The following PPP2R3A variants were observed in gnomAD, a reference collection of about 807,000 sequenced individuals.
The protein encoded by PPP2R3A is serine/threonine-protein phosphatase 2A regulatory subunit B'' subunit alpha.
Under a neutral mutation model 106.9 loss-of-function variants are expected in PPP2R3A, and 80 were observed. The ratio of observed to expected loss-of-function variants is 0.75; its 90% confidence interval spans 0.62 to 0.90. The LOEUF (loss-of-function observed/expected upper bound fraction) is 0.90, where lower values mean the gene tolerates loss of function less well. Among genes scored for constraint, PPP2R3A ranks in the 40% least tolerant of loss-of-function variants. The pLI is 0.00. For synonymous variants in PPP2R3A, 483 were observed against 468.3 expected (o/e 1.03, Z -0.41); for missense variants, 1,386 against 1,350.4 (o/e 1.03, Z -0.41).
Position 136,087,910 on chromosome 3 carries a change from T to C in PPP2R3A, c.2816T>C (p.Ile939Thr), listed in dbSNP as rs766794477. 2.5e-6 allele frequency: 4 copies of C among 1,610,724 alleles called. No individual in the cohort carries two copies. Among genetic ancestry groups the C allele is most frequent in the Non-Finnish European group, 3.4e-6 (4 of 1,177,598 alleles). ...TCATCAAGCAGGATTATTGAAAGGATATTCTCTGGTGCAGTAACAAGGTAA... is the reference window on the plus strand; with the variant it reads ...TCATCAAGCAGGATTATTGAAAGGACATTCTCTGGTGCAGTAACAAGGTAA... The part of the protein sequence containing the change: ...QASSSRIIER[I>T]FSGAVTRGKT... Residue 939 changes from isoleucine (I) to threonine (T), a missense_variant, in exon 9 of 14, where the codon ATA becomes ACA. Coordinates refer to ENST00000264977, the MANE Select transcript of PPP2R3A (RefSeq NM_002718.5).
In PPP2R3A at chr3:136,138,690, A is replaced by G. The variant is rs962624083; in HGVS notation, c.3330-6353A>G. On this transcript the variant is annotated intron_variant, in intron 13 of 13. Transcript: ENST00000264977. ...ATTATAGACTCCAAACTAGAGAAATATTGAATTTTTTTTTTTTTTTTTTTT... is the reference window on the plus strand; with the variant it reads ...ATTATAGACTCCAAACTAGAGAAATGTTGAATTTTTTTTTTTTTTTTTTTT... Among the ~76,000 whole-genome samples, 19 of 118,396 alleles carry G rather than the reference A, an allele frequency of 1.6e-4. No individual in the cohort carries two copies. The East Asian group carries it at 2.2e-3, about 14-fold the overall frequency. 77.7% of individuals were successfully genotyped at this position (118,396 alleles called of 152,430 possible). A position where few individuals can be genotyped will look rare whatever the true frequency, so the allele number is the denominator to read the frequency against.
chr3:136,107,198 T>A (rs1196724380), intron 13 of PPP2R3A, among the ~76,000 whole-genome samples: 1 of 152,060 alleles, frequency 6.6e-6, no homozygotes, highest in South Asian at 2.1e-4. Context: ...CTTCTAATTC[T>A]TCCTTAGTCA....
intron 9 of PPP2R3A, 127 bp downstream of exon 9, chr3:136,088,058 G>C (rs1937001503): frequency 1.4e-6 from 1 of 709,290 alleles, no homozygotes; most frequent in South Asian, 2.1e-5. Flanking sequence ...ATAAAACATA[G>C]TTATGGCTTA....
chr3:136,069,116 T>G lies in PPP2R3A; in HGVS notation c.2470-1362T>G, dbSNP rs552636256. The stretch of plus-strand genomic sequence containing the variant: ...TAAGATCCTGGAACAGAAAAAGACA[T>G]TAGTGGAAAAACTAGTGAGATTTGA... On this transcript the variant is annotated intron_variant, in intron 5 of 13. Coordinates refer to ENST00000264977, the MANE Select transcript of PPP2R3A (RefSeq NM_002718.5). Among the ~76,000 whole-genome samples, 3 of 152,280 alleles carry G rather than the reference T, an allele frequency of 2.0e-5. No individual in the cohort carries two copies. The South Asian group carries it at 6.2e-4, about 32-fold the overall frequency.
At chr3:136,016,831 T>G (rs541971575) in intron 2 of PPP2R3A, among the ~76,000 whole-genome samples, 8 of 152,348 alleles carry the variant, frequency 5.3e-5, no homozygotes, top group African/African-American at 1.9e-4. Context: ...TATTGCCATG[T>G]GAGGTACTAT....
intron 10 of PPP2R3A, among the ~76,000 whole-genome samples, chr3:136,096,356 C>G (rs898309425): frequency 2.6e-5 from 4 of 152,192 alleles, no homozygotes; most frequent in African/African-American, 9.6e-5. Context: ...AATACATTCA[C>G]TAAGGTGTGA....
At chr3:136,031,615 T>C (rs890679647) in intron 3 of PPP2R3A, among the ~76,000 whole-genome samples, 1 of 152,202 alleles carries the variant, frequency 6.6e-6, no homozygotes, top group Non-Finnish European at 1.5e-5. Flanking sequence ...ATTGTTATCT[T>C]CTAGAATTTT....
At chr3:136,052,507 C>T (rs1413244328) in intron 5 of PPP2R3A, among the ~76,000 whole-genome samples, 1 of 152,112 alleles carries the variant, frequency 6.6e-6, no homozygotes, top group South Asian at 2.1e-4. Context: ...CCTCATTATT[C>T]CCTTGTTTGC....
chr3:136,078,289 T>G, intron 6 of PPP2R3A, 78 bp from the exon 7 acceptor site: 1 of 956,282 alleles, frequency 1.0e-6, no homozygotes, highest in African/African-American at 1.6e-5. Context: ...GTCCCAAGTA[T>G]GTTCATAAAA....
At chr3:136,125,911 A>T (rs557844919) in intron 13 of PPP2R3A, among the ~76,000 whole-genome samples, 6 of 152,180 alleles carry the variant, frequency 3.9e-5, no homozygotes, top group Non-Finnish European at 5.9e-5. Flanking sequence ...CCCAACATCC[A>T]TTGACAATAA....
intron 5 of PPP2R3A, among the ~76,000 whole-genome samples, chr3:136,055,991 ACAT>A (rs1935847817): frequency 6.6e-6 from 1 of 152,202 alleles, no homozygotes; most frequent in South Asian, 2.1e-4. Flanking sequence ...ATCAAGGCCA[ACAT>A]CAGCAGTCAT....
At chr3:136,027,128 TC>T (rs751837632) in intron 3 of PPP2R3A, 30 bp downstream of exon 3, 6 of 1,573,568 alleles carry the variant, frequency 3.8e-6, no homozygotes, top group Non-Finnish European at 5.2e-6. Flanking sequence ...ATTTACAATC[TC>T]CCCTTCTTTA....
intron 5 of PPP2R3A, among the ~76,000 whole-genome samples, chr3:136,049,878 T>A (rs1393548521): frequency 6.6e-6 from 1 of 152,184 alleles, no homozygotes; most frequent in Non-Finnish European, 1.5e-5. Context: ...ACCCAAGATA[T>A]ATTTGAAACA....
chr3:136,111,256 C>G (rs915856057), intron 13 of PPP2R3A, among the ~76,000 whole-genome samples: 2 of 151,990 alleles, frequency 1.3e-5, no homozygotes, highest in African/African-American at 2.4e-5. Context: ...TCCTATGGTT[C>G]TTATTTGTAT....
chr3:136,143,675 CA>C (rs913156556), intron 13 of PPP2R3A, among the ~76,000 whole-genome samples: 16 of 152,080 alleles, frequency 1.1e-4, no homozygotes, highest in African/African-American at 3.9e-4. Context: ...CTGTAAATCC[CA>C]GCTACTCGGG....
intron 2 of PPP2R3A, among the ~76,000 whole-genome samples, chr3:136,020,001 G>T (rs1934409735): frequency 6.6e-6 from 1 of 152,080 alleles, no homozygotes; most frequent in Admixed American, 6.6e-5. Flanking sequence ...CATTGTGCTA[G>T]AAAGCACAGT....
rs143103037 is a variant in PPP2R3A at position 136,122,894 on chromosome 3, G to T, written c.3329+16572G>T. ...ACAAAATCTGTCATTAGCGATTAAAGGAGACAAAATTATAAAAATTTAAAT... is the reference window on the plus strand; with the variant it reads ...ACAAAATCTGTCATTAGCGATTAAATGAGACAAAATTATAAAAATTTAAAT... On this transcript the variant is annotated intron_variant, in intron 13 of 13. Transcript: ENST00000264977. Among the ~76,000 whole-genome samples, 168 of 152,212 alleles carry T rather than the reference G, an allele frequency of 1.1e-3. 1 individual carries two copies. In the East Asian group the frequency reaches 0.02, roughly 18 times the overall value.
In PPP2R3A at chr3:136,070,492, C is replaced by T. The variant is rs750998039; in HGVS notation, c.2484C>T (p.Thr828=). 6.9e-6 allele frequency: 11 copies of T among 1,604,554 alleles called. No individual in the cohort carries two copies. The highest frequency in any genetic ancestry group is 9.4e-6 in the Non-Finnish European group (11 of 1,176,286). ...FIPLLQDVVD[T]HPGLTFLKDA... The stretch of plus-strand genomic sequence containing the variant: ...ATCTTTTTCAGGATGTGGTGGATAC[C>T]CACCCTGGTCTCACGTTCCTGAAAG... The change falls in exon 6 of 14, where the codon ACC becomes ACT. Residue 828 remains threonine, a synonymous_variant. Coordinates refer to ENST00000264977, the MANE Select transcript of PPP2R3A (RefSeq NM_002718.5).
rs58749785 is a variant in PPP2R3A at position 136,001,040 on chromosome 3, A to AT, written c.-440-8dup. ...CCAGCATTAAAAAAATTTCCTTTTA[A>AT]TTTTTTTTTTTATTACAGGTTTCTC... On this transcript the variant is annotated intron_variant, in intron 1 of 13. Coordinates refer to ENST00000264977, the MANE Select transcript of PPP2R3A (RefSeq NM_002718.5). 0.29 allele frequency: 98,675 copies of AT among 340,050 alleles called. 8,320 individuals carry two copies. The highest frequency in any genetic ancestry group is 0.33 in the Middle Eastern group (429 of 1,284). 21.1% of individuals were successfully genotyped at this position (340,050 alleles called of 1,614,324 possible).
Sources: allele counts gnomAD v4.1 joint callset (sites outside exome capture counted in the v4.1 genomes callset), GRCh38; gene constraint gnomAD v4.1.1; transcripts MANE v1.5; gene names NCBI Gene and HGNC (gene_info 2026-07-23, HGNC 2026-07-21).